EPG5: variants seen among roughly 807,000 people sequenced by gnomAD.
EPG5 encodes ectopic P granules protein 5 homolog.
In EPG5, 159 loss-of-function variants were observed where a neutral mutation model predicts 302.7. The observed-to-expected ratio is 0.53, with a 90% confidence interval of 0.46 to 0.60. The LOEUF (loss-of-function observed/expected upper bound fraction) is 0.60. Among genes scored for constraint, EPG5 ranks in the 20% least tolerant of loss-of-function variants. The pLI is 0.00. For synonymous variants in EPG5, 1,158 were observed against 1,136.8 expected (o/e 1.02, Z -0.37); for missense variants, 2,896 against 3,092.4 (o/e 0.94, Z 1.51).
chr18:45,870,764 G>C (rs770756728), intron 35 of EPG5, 22 bp from the exon 36 acceptor site: 1 of 1,454,248 alleles, frequency 6.9e-7, no homozygotes, highest in Admixed American at 1.9e-5. Context: ...AAAGAAAATA[G>C]AGCTGAAGAC....
At chr18:45,947,332 G>A (rs1197710112) in intron 6 of EPG5, among the ~76,000 whole-genome samples, 2 of 152,122 alleles carry the variant, frequency 1.3e-5, no homozygotes, top group African/African-American at 4.8e-5. Flanking sequence ...AGAATCTCTT[G>A]AACCCAGGAG....
Position 45,852,724 on chromosome 18 carries a change from A to G in EPG5, c.7558-75T>C, listed in dbSNP as rs941709062. 14 of 1,276,136 alleles carry G rather than the reference A, an allele frequency of 1.1e-5. No homozygotes were observed. In the African/African-American group the frequency reaches 1.8e-4, roughly 16 times the overall value. The allele number at this position is 1,276,136 out of a possible 1,614,324, so 79.1% of individuals were successfully genotyped here. On this transcript the variant is annotated intron_variant, in intron 43 of 43. Transcript: ENST00000282041. Reference sequence around the variant, plus strand: ...TGACTGCCAGAGGTACAGCACACCCATTATCACTGTGTACTTCAACTGTGA... The same window carrying G: ...TGACTGCCAGAGGTACAGCACACCCGTTATCACTGTGTACTTCAACTGTGA...
At chr18:45,881,239 A>C (rs2049092021) in intron 31 of EPG5, among the ~76,000 whole-genome samples, 1 of 152,234 alleles carries the variant, frequency 6.6e-6, no homozygotes, top group Non-Finnish European at 1.5e-5. Context: ...GTCTAATATA[A>C]ATGGTTTACA....
downstream of EPG5, among the ~76,000 whole-genome samples, chr18:45,846,046 G>C (rs1389424389): frequency 6.6e-6 from 1 of 152,188 alleles, no homozygotes; most frequent in Non-Finnish European, 1.5e-5. Flanking sequence ...AAGAGAGCCA[G>C]GGTCAGGGTG....
At chr18:45,823,902 G>T in the EPG5 span, among the ~76,000 whole-genome samples, 1 of 152,222 alleles carries the variant, frequency 6.6e-6, no homozygotes, top group African/African-American at 2.4e-5. Flanking sequence ...CGCTCTAGGT[G>T]GTAAGAATCA....
At chr18:45,920,032 G>A (rs2145741402) in intron 16 of EPG5, among the ~76,000 whole-genome samples, 1 of 152,042 alleles carries the variant, frequency 6.6e-6, no homozygotes, top group Middle Eastern at 3.4e-3. Flanking sequence ...CCATAATTTG[G>A]CCCAACCAAA....
the EPG5 span, among the ~76,000 whole-genome samples, chr18:45,819,659 A>AAGATAGGT: frequency 6.6e-6 from 1 of 152,224 alleles, no homozygotes; most frequent in South Asian, 2.1e-4. Context: ...TAATTAATAG[A>AAGATAGGT]AGATAGGTGT....
At position 45,908,066 on chromosome 18, in the gene EPG5, A is replaced by G. The variant is rs2145643384; in HGVS notation, c.4221T>C (p.Tyr1407=). 4 of 1,535,044 alleles carry G rather than the reference A, an allele frequency of 2.6e-6. No individual in the cohort carries two copies. Among genetic ancestry groups the G allele is most frequent in the East Asian group, 4.5e-5 (2 of 43,972 alleles). Residue 1407 remains tyrosine (Y), a synonymous_variant, in exon 24 of 44, where the codon TAT becomes TAC. Transcript: ENST00000282041. ...HKELVRLFNV[Y]ILWLEDENFQ... Reference sequence around the variant, plus strand: ...AATTCTCATCTTCTAGCCATAATATATATACATTGAAGAGCCTAAAAGATA... The same window carrying G: ...AATTCTCATCTTCTAGCCATAATATGTATACATTGAAGAGCCTAAAAGATA...
At chr18:45,839,377 G>T in the EPG5 span, among the ~76,000 whole-genome samples, 6 of 152,198 alleles carry the variant, frequency 3.9e-5, no homozygotes, top group Non-Finnish European at 8.8e-5. Context: ...CTCTAGAGCC[G>T]TCCCTTTGCT....
intron 25 of EPG5, among the ~76,000 whole-genome samples, chr18:45,902,561 A>C (rs2049645175): frequency 6.6e-6 from 1 of 152,252 alleles, no homozygotes; most frequent in Non-Finnish European, 1.5e-5. Context: ...AAAATATTGA[A>C]GCCAATAAAA....
chr18:45,893,144 A>C (rs1423979188), intron 27 of EPG5, among the ~76,000 whole-genome samples: 1 of 152,220 alleles, frequency 6.6e-6, no homozygotes, highest in Non-Finnish European at 1.5e-5. Context: ...TGGGAAAAGT[A>C]GGGGTCTTGA....
chr18:45,802,643 C>T, the EPG5 span, among the ~76,000 whole-genome samples: 2 of 152,166 alleles, frequency 1.3e-5, no homozygotes, highest in African/African-American at 2.4e-5. Flanking sequence ...CACTTGTGCC[C>T]AATACCTTTC....
At chr18:45,959,444 A>G (rs1328250432) in intron 1 of EPG5, among the ~76,000 whole-genome samples, 2 of 151,978 alleles carry the variant, frequency 1.3e-5, no homozygotes, top group Non-Finnish European at 2.9e-5. Flanking sequence ...CAGGAGATTG[A>G]GACCATCCTG....
At chr18:45,827,664 T>C in the EPG5 span, among the ~76,000 whole-genome samples, 3 of 152,160 alleles carry the variant, frequency 2.0e-5, no homozygotes, top group African/African-American at 4.8e-5. Context: ...GGAGATTCAT[T>C]AGACACTACA....
the EPG5 span, chr18:45,838,740 C>A: frequency 6.3e-7 from 1 of 1,580,556 alleles, no homozygotes; most frequent in Non-Finnish European, 8.5e-7. Context: ...TCGTCAACAT[C>A]TCGGTGCTGC....
chr18:45,954,788 T>G lies in EPG5; in HGVS notation c.614A>C (p.His205Pro). The change falls in exon 2 of 44, where the codon CAT becomes CCT. Residue 205 changes from histidine to proline, a missense_variant. Physicochemically the swap from His to Pro is moderately conservative, Grantham distance 77. Coordinates refer to ENST00000282041, the MANE Select transcript of EPG5 (RefSeq NM_020964.3). ...VGLQSSCPAK[H>P]GFQTPRVKKL... is the part of the protein sequence containing the mutation. Reference sequence around the variant, plus strand: ...CTTCACTCTAGGTGTCTGAAAACCATGTTTGGCTGGGCAAGAACTCTGCAA... The same window carrying G: ...CTTCACTCTAGGTGTCTGAAAACCAGGTTTGGCTGGGCAAGAACTCTGCAA... The G allele has an allele frequency of 1.2e-6, 2 of 1,613,992 alleles. No individual in the cohort carries two copies. Among genetic ancestry groups the G allele is most frequent in the Non-Finnish European group, 1.7e-6 (2 of 1,179,968 alleles).
At chr18:45,846,470 G>A (rs1426684407), downstream of EPG5, among the ~76,000 whole-genome samples, 14 of 137,924 alleles carry the variant, frequency 1.0e-4, no homozygotes, top group African/African-American at 2.2e-4. Flanking sequence ...GCAGTGGGCC[G>A]AGATCGCGCC....
chr18:45,943,196 A>G lies in EPG5; in HGVS notation c.1908T>C (p.Tyr636=). ...VGLETFNRAR[Y]RQFVKRIGYM... ...AACCAATTCGCTTCACAAACTGCCT[A>G]TAGCGTGCTCTATTAAAGGTTTCTA... Residue 636 remains tyrosine (Y), a synonymous_variant, in exon 9 of 44, where the codon TAT becomes TAC. Transcript: ENST00000282041. The G allele has an allele frequency of 4.3e-6, 7 of 1,614,208 alleles. No individual in the cohort carries two copies. The highest frequency in any genetic ancestry group is 5.9e-6 in the Non-Finnish European group (7 of 1,180,044).
the EPG5 span, chr18:45,842,103 C>A: frequency 6.2e-7 from 1 of 1,613,978 alleles, no homozygotes; most frequent in South Asian, 1.1e-5. Context: ...CTCCTGTCCA[C>A]AGGTCCCAGG....
Sources: gnomAD v4.1 joint callset for allele counts (sites outside exome capture counted in the v4.1 genomes callset) on GRCh38, gnomAD v4.1.1 for gene constraint, MANE v1.5 for transcripts, NCBI Gene and HGNC (gene_info 2026-07-23, HGNC 2026-07-21) for gene names.